The following ATP2B2 variants were observed in gnomAD, a reference collection of about 807,000 sequenced individuals.
ATP2B2 encodes plasma membrane calcium-transporting ATPase 2.
ATP2B2 carries 15 observed loss-of-function variants against 120.0 expected under a neutral mutation model. The observed-to-expected ratio is 0.12, with a 90% confidence interval of 0.08 to 0.19. The LOEUF is 0.19. ATP2B2 is among the 10% of genes least tolerant of loss of function. The pLI is 1.00. For synonymous variants in ATP2B2, 694 were observed against 700.3 expected (o/e 0.99, Z 0.14); for missense variants, 1,045 against 1,719.8 (o/e 0.61, Z 6.94).
intron 2 of ATP2B2, among the ~76,000 whole-genome samples, chr3:10,583,732 A>T (rs745472710): frequency 3.1e-4 from 47 of 152,196 alleles, no homozygotes; most frequent in Non-Finnish European, 5.7e-4. Flanking sequence ...TCATGGGATG[A>T]ACAGGATGTC....
intron 22 of ATP2B2, among the ~76,000 whole-genome samples, chr3:10,334,329 G>A (rs1159973839): frequency 6.6e-6 from 1 of 152,234 alleles, no homozygotes; most frequent in Non-Finnish European, 1.5e-5. Flanking sequence ...TGGCAGAACA[G>A]AAGTGGATTC....
intron 5 of ATP2B2, chr3:10,394,492 C>G (rs371470144): frequency 6.4e-6 from 3 of 471,064 alleles, no homozygotes; most frequent in Non-Finnish European, 1.3e-5. Flanking sequence ...GACTTGAACC[C>G]GTGCTCTATC....
At chr3:10,496,653 C>T (rs911941915) in intron 1 of ATP2B2, among the ~76,000 whole-genome samples, 5 of 152,166 alleles carry the variant, frequency 3.3e-5, no homozygotes, top group East Asian at 1.9e-4. Flanking sequence ...GCACTCCACA[C>T]GCAGACACTA....
At chr3:10,437,613 TC>T (rs1200506807) in intron 2 of ATP2B2, among the ~76,000 whole-genome samples, 1 of 152,244 alleles carries the variant, frequency 6.6e-6, no homozygotes, top group African/African-American at 2.4e-5. Context: ...CCGCTTGCTG[TC>T]CTGTTCATGT....
At chr3:10,612,301 T>C (rs952410139) in intron 2 of ATP2B2, among the ~76,000 whole-genome samples, 1 of 152,186 alleles carries the variant, frequency 6.6e-6, no homozygotes, top group Non-Finnish European at 1.5e-5. Context: ...ACCTCTCCTT[T>C]CCAGAAGCAA....
intron 1 of ATP2B2, among the ~76,000 whole-genome samples, chr3:10,627,552 C>T (rs1334209404): frequency 6.6e-6 from 1 of 152,178 alleles, no homozygotes; most frequent in East Asian, 1.9e-4. Flanking sequence ...CCCAGCCTCT[C>T]TGAGCCTCAT....
intron 5 of ATP2B2, among the ~76,000 whole-genome samples, chr3:10,396,786 G>A (rs1014008844): frequency 6.6e-6 from 1 of 152,022 alleles, no homozygotes; most frequent in African/African-American, 2.4e-5. Context: ...ATGAGAGGGC[G>A]AAATGGACAT....
chr3:10,463,647 TG>T, intron 1 of ATP2B2, among the ~76,000 whole-genome samples: 1 of 152,200 alleles, frequency 6.6e-6, no homozygotes, highest in Non-Finnish European at 1.5e-5. Flanking sequence ...TGGATCACAG[TG>T]TTACACAGTG....
chr3:10,410,228 G>A (rs912090011), intron 3 of ATP2B2, among the ~76,000 whole-genome samples: 1 of 152,102 alleles, frequency 6.6e-6, no homozygotes, highest in Non-Finnish European at 1.5e-5. Context: ...GGTGATTTGT[G>A]GGAATTTGGT....
chr3:10,400,329 C>T (rs2062176295), intron 5 of ATP2B2, among the ~76,000 whole-genome samples: 1 of 152,262 alleles, frequency 6.6e-6, no homozygotes, highest in African/African-American at 2.4e-5. Flanking sequence ...TCACTGCAGC[C>T]TCCAGCCAGT....
chr3:10,413,197 T>C (rs1293063130), intron 2 of ATP2B2, among the ~76,000 whole-genome samples: 3 of 152,194 alleles, frequency 2.0e-5, no homozygotes, highest in Non-Finnish European at 4.4e-5. Flanking sequence ...TGGCTGCCCG[T>C]GGATGTCAGA....
At chr3:10,648,584 C>A (rs1194526077) in intron 1 of ATP2B2, among the ~76,000 whole-genome samples, 1 of 152,200 alleles carries the variant, frequency 6.6e-6, no homozygotes, top group African/African-American at 2.4e-5. Flanking sequence ...AACTCAAAAG[C>A]CACTTATGCT....
rs1446975978 is a variant in ATP2B2, at chr3:10,375,419, T to C, written c.1416+11A>G. ...CATCAGCCGGCTGGTCCTGCTCTCCTCCCCTCTCACCTTCACCGAATAGGC... is the reference window on the plus strand; with the variant it reads ...CATCAGCCGGCTGGTCCTGCTCTCCCCCCCTCTCACCTTCACCGAATAGGC... On this transcript the variant is annotated intron_variant, in intron 11 of 22. Coordinates refer to ENST00000360273, the MANE Select transcript of ATP2B2 (RefSeq NM_001001331.4). This position sits in a 1 kb window ranked among gnomAD's most constrained non-coding sequence, Gnocchi z 4.2. The C allele has an allele frequency of 6.2e-7, 1 of 1,607,338 alleles. No homozygotes were observed. Among genetic ancestry groups the C allele is most frequent in the Non-Finnish European group, 8.5e-7 (1 of 1,176,930 alleles).
At chr3:10,505,931 G>A (rs1398877612), upstream of ATP2B2, among the ~76,000 whole-genome samples, 1 of 152,146 alleles carries the variant, frequency 6.6e-6, no homozygotes, top group African/African-American at 2.4e-5. Context: ...AATGTCAAGG[G>A]CACGGAGAGG....
At chr3:10,586,064 T>G (rs1196725912) in intron 2 of ATP2B2, among the ~76,000 whole-genome samples, 2 of 152,228 alleles carry the variant, frequency 1.3e-5, no homozygotes, top group Non-Finnish European at 2.9e-5. Flanking sequence ...TATAGTGCTG[T>G]CCCCTTAGTG....
intron 1 of ATP2B2, among the ~76,000 whole-genome samples, chr3:10,457,864 A>G (rs2064328894): frequency 6.6e-6 from 1 of 152,100 alleles, no homozygotes; most frequent in South Asian, 2.1e-4. Context: ...CAGGTGGCAG[A>G]CGTAGGTCTA....
At chr3:10,642,248 G>GAGGATTAGAACAGTCTATTC (rs2070193446) in intron 1 of ATP2B2, among the ~76,000 whole-genome samples, 1 of 152,184 alleles carries the variant, frequency 6.6e-6, no homozygotes, top group East Asian at 1.9e-4. Context: ...GTAGGGTTTC[G>GAGGATTAGAACAGTCTATTC]AGGATTAGAA....
intron 12 of ATP2B2, among the ~76,000 whole-genome samples, chr3:10,360,593 AC>A (rs1389223145): frequency 6.6e-6 from 1 of 152,236 alleles, no homozygotes; most frequent in Non-Finnish European, 1.5e-5. Context: ...TGTGTATTTA[AC>A]TGTTAATTCC....
At chr3:10,363,903 A>G (rs1282516155) in intron 12 of ATP2B2, among the ~76,000 whole-genome samples, 2 of 152,218 alleles carry the variant, frequency 1.3e-5, no homozygotes, top group Non-Finnish European at 2.9e-5. Context: ...AATTGAAAAC[A>G]GGTACTCAAA....
Sources: gnomAD v4.1 joint callset for allele counts (sites outside exome capture counted in the v4.1 genomes callset) on GRCh38, gnomAD v4.1.1 for gene constraint, Gnocchi (gnomAD v3.1) non-coding constraint, MANE v1.5 for transcripts, NCBI Gene and HGNC (gene_info 2026-07-23, HGNC 2026-07-21) for gene names.